The following SLC35F1 variants were observed in gnomAD, a reference collection of about 807,000 sequenced individuals.
SLC35F1 encodes the protein chromosome 6 open reading frame 169.
Under a neutral mutation model 48.7 loss-of-function variants are expected in SLC35F1, and 14 were observed. That is an observed-to-expected ratio of 0.29 (90% CI 0.19 to 0.45). The LOEUF is 0.45. Ranked by LOEUF, SLC35F1 falls within the 20% of genes least tolerant of loss-of-function variation. The pLI, the probability that SLC35F1 is intolerant of heterozygous loss-of-function variation, is 1.00. For missense variants in SLC35F1, 404 were observed against 500.0 expected (o/e 0.81, Z 1.83); for synonymous variants, 190 against 202.2 (o/e 0.94, Z 0.51).
At chr6:118,230,222 C>G (rs1775270267) in intron 2 of SLC35F1, among the ~76,000 whole-genome samples, 1 of 152,004 alleles carries the variant, frequency 6.6e-6, no homozygotes, top group South Asian at 2.1e-4. Context: ...TGCCTGTAGT[C>G]CCAGCCACTC....
chr6:118,188,411 G>A (rs1424420575), intron 2 of SLC35F1, among the ~76,000 whole-genome samples: 5 of 152,192 alleles, frequency 3.3e-5, no homozygotes, highest in Non-Finnish European at 5.9e-5. Flanking sequence ...GTAGCTGAGC[G>A]TGGTGGCATG....
chr6:118,272,767 A>ATATATATATATATG lies in SLC35F1; in HGVS notation c.638-2682_638-2681insTATGTATATATATA, dbSNP rs1289997076. ...TATATATACATATATATATATATGTATATATATATACCATTTTTTAGCATA... is the reference window on the plus strand; with the variant it reads ...TATATATACATATATATATATATGTATATATATATATATGTATATATATACCATTTTTTAGCATA... On this transcript the variant is annotated intron_variant, in intron 4 of 7. Coordinates refer to ENST00000360388, the MANE Select transcript of SLC35F1 (RefSeq NM_001029858.4). 2.7e-3 allele frequency among the ~76,000 whole-genome samples: 366 copies of ATATATATATATATG among 135,786 alleles called. 1 individual carries two copies. Among genetic ancestry groups the ATATATATATATATG allele is most frequent in the African/African-American group, 9.3e-3 (318 of 34,082 alleles). The allele number at this position is 135,786 out of a possible 152,430, so 89.1% of individuals were successfully genotyped here.
chr6:118,098,794 G>A (rs568750329), intron 1 of SLC35F1, among the ~76,000 whole-genome samples: 56 of 152,258 alleles, frequency 3.7e-4, no homozygotes, highest in Non-Finnish European at 6.9e-4. Context: ...TGATGTGAAA[G>A]AAATAAGATA....
chr6:117,991,816 T>A (rs1582604340), intron 1 of SLC35F1, among the ~76,000 whole-genome samples: 1 of 152,308 alleles, frequency 6.6e-6, no homozygotes, highest in Non-Finnish European at 1.5e-5. Flanking sequence ...TATTTTATAC[T>A]TTTTTGGTTA....
intron 1 of SLC35F1, among the ~76,000 whole-genome samples, chr6:117,938,534 C>T (rs1776188491): frequency 6.6e-6 from 1 of 152,220 alleles, no homozygotes; most frequent in African/African-American, 2.4e-5. Flanking sequence ...CCACCTGCCC[C>T]CCTGATTGGC....
intron 7 of SLC35F1, among the ~76,000 whole-genome samples, chr6:118,297,622 T>TTATATATATATA (rs1260418816): frequency 1.0e-4 from 10 of 96,930 alleles, no homozygotes; most frequent in African/African-American, 4.5e-4. Context: ...TTCTCAGAAC[T>TTATATATATATA]TATATATATA....
At chr6:117,980,966 A>G (rs573425291) in intron 1 of SLC35F1, among the ~76,000 whole-genome samples, 105 of 152,332 alleles carry the variant, frequency 6.9e-4, no homozygotes, top group African/African-American at 2.3e-3. Context: ...TTTGGGAAAA[A>G]AAACCCTCAA....
At chr6:118,111,319 CAAAGAA>C (rs1416866275) in intron 1 of SLC35F1, among the ~76,000 whole-genome samples, 1 of 152,092 alleles carries the variant, frequency 6.6e-6, no homozygotes, top group Non-Finnish European at 1.5e-5. Context: ...AAACCAAAGA[CAAAGAA>C]AATCTTGAGA....
At chr6:118,213,687 G>A (rs1212156973) in intron 2 of SLC35F1, among the ~76,000 whole-genome samples, 2 of 152,084 alleles carry the variant, frequency 1.3e-5, no homozygotes, top group African/African-American at 2.4e-5. Context: ...AGTGTTGAGT[G>A]AAAAAAATCC....
At chr6:118,250,435 C>A (rs1309372258) in intron 3 of SLC35F1, among the ~76,000 whole-genome samples, 1 of 152,182 alleles carries the variant, frequency 6.6e-6, no homozygotes, top group Non-Finnish European at 1.5e-5. Flanking sequence ...AAGTACCACC[C>A]TAGCTGCAGA....
At chr6:118,212,147 C>G (rs1471197269) in intron 2 of SLC35F1, among the ~76,000 whole-genome samples, 3 of 152,166 alleles carry the variant, frequency 2.0e-5, no homozygotes, top group Non-Finnish European at 2.9e-5. Flanking sequence ...GCCAAAGTTT[C>G]TTTTCTCGCA....
intron 1 of SLC35F1, among the ~76,000 whole-genome samples, chr6:118,012,566 G>A (rs1043213271): frequency 6.6e-6 from 1 of 152,112 alleles, no homozygotes; most frequent in African/African-American, 2.4e-5. Flanking sequence ...ATTTATGCTT[G>A]CTAACTTGCT....
chr6:118,253,799 A>G (rs1775606396), intron 3 of SLC35F1, among the ~76,000 whole-genome samples: 1 of 152,060 alleles, frequency 6.6e-6, no homozygotes, highest in South Asian at 2.1e-4. Context: ...GATCATAGTG[A>G]AAGGAGCTGT....
intron 1 of SLC35F1, among the ~76,000 whole-genome samples, chr6:118,016,946 G>A (rs1263926174): frequency 6.6e-6 from 1 of 152,162 alleles, no homozygotes; most frequent in Non-Finnish European, 1.5e-5. Context: ...GAAATTGCAG[G>A]ATGATTTTCC....
intron 2 of SLC35F1, among the ~76,000 whole-genome samples, chr6:118,195,886 T>G (rs1026584572): frequency 1.3e-5 from 2 of 152,098 alleles, no homozygotes; most frequent in Non-Finnish European, 2.9e-5. Context: ...GTACCTTGAG[T>G]GTTCACTCCG....
intron 1 of SLC35F1, among the ~76,000 whole-genome samples, chr6:117,929,105 A>G (rs776490098): frequency 6.6e-6 from 1 of 152,062 alleles, no homozygotes; most frequent in Non-Finnish European, 1.5e-5. Flanking sequence ...CTTTCTGACC[A>G]TCAGCTTCCT....
At position 118,213,196 on chromosome 6, in the gene SLC35F1, T is replaced by C. The variant is rs1165749193; in HGVS notation, c.350-22313T>C. On this transcript the variant is annotated intron_variant, in intron 2 of 7. Transcript: ENST00000360388. The stretch of plus-strand genomic sequence containing the variant: ...TTAATTATAACCCACTATATTAATA[T>C]CAAAGAGCTAAAATCAACAAGTTAT... 2.6e-5 allele frequency among the ~76,000 whole-genome samples: 4 copies of C among 152,358 alleles called. No homozygotes were observed. The East Asian group carries it at 5.8e-4, about 22-fold the overall frequency.
chr6:118,019,860 T>C (rs1777371940), intron 1 of SLC35F1, among the ~76,000 whole-genome samples: 1 of 152,222 alleles, frequency 6.6e-6, no homozygotes, highest in African/African-American at 2.4e-5. Context: ...AGTAGTTCTG[T>C]GGTCCCTATT....
chr6:118,287,436 T>C (rs953230018), intron 7 of SLC35F1, among the ~76,000 whole-genome samples: 2 of 152,190 alleles, frequency 1.3e-5, no homozygotes, highest in African/African-American at 4.8e-5. Flanking sequence ...AACCAAAATC[T>C]GTTGTTCTGC....
Sources: allele counts gnomAD v4.1 joint callset (sites outside exome capture counted in the v4.1 genomes callset), GRCh38; gene constraint gnomAD v4.1.1; transcripts MANE v1.5; gene names NCBI Gene and HGNC (gene_info 2026-07-23, HGNC 2026-07-21).